The following SREBF2 variants were observed in gnomAD, a reference collection of about 807,000 sequenced individuals.
SREBF2 encodes the protein sterol regulatory element-binding protein 2.
Under a neutral mutation model 113.1 loss-of-function variants are expected in SREBF2, and 55 were observed. That is an observed-to-expected ratio of 0.49 (90% confidence interval 0.39 to 0.61). The LOEUF (loss-of-function observed/expected upper bound fraction) is 0.61, where lower values mean the gene tolerates loss of function less well. SREBF2 is among the 20% of genes least tolerant of loss of function. The pLI is 0.00. For missense variants in SREBF2, 1,349 were observed against 1,487.4 expected (o/e 0.91, Z 1.53); for synonymous variants, 593 against 605.7 (o/e 0.98, Z 0.31).
Position 41,870,821 on chromosome 22 carries a change from G to A in SREBF2, c.721-68G>A, listed in dbSNP as rs1286335899. 3.8e-6 allele frequency: 6 copies of A among 1,565,974 alleles called. No homozygotes were observed. The East Asian group carries it at 6.7e-5, about 18-fold the overall frequency. On this transcript the variant is annotated intron_variant, in intron 3 of 18. Transcript: ENST00000361204. ...CATTCTTTCTTGGAAGGTCTATGCA[G>A]TAAGAAAGGAATGCATAACAGAAGG...
At chr22:41,883,520 GTCC>G (rs2077269732) in intron 10 of SREBF2, among the ~76,000 whole-genome samples, 1 of 152,224 alleles carries the variant, frequency 6.6e-6, no homozygotes, top group African/African-American at 2.4e-5. Context: ...ATCAGGCTGT[GTCC>G]TCCTTGCTGC....
intron 1 of SREBF2, among the ~76,000 whole-genome samples, chr22:41,857,406 G>C (rs966055039): frequency 6.6e-6 from 1 of 152,194 alleles, no homozygotes; most frequent in Non-Finnish European, 1.5e-5. Flanking sequence ...ATGAGAGGCG[G>C]GGAGAGAGAG....
intron 1 of SREBF2, among the ~76,000 whole-genome samples, chr22:41,858,484 G>C (rs1205434065): frequency 6.6e-6 from 1 of 151,850 alleles, no homozygotes; most frequent in East Asian, 1.9e-4. Context: ...TGGGCATGTT[G>C]GCTCATGCTT....
chr22:41,848,650 G>C (rs550844514), intron 1 of SREBF2, among the ~76,000 whole-genome samples: 29 of 152,092 alleles, frequency 1.9e-4, no homozygotes, highest in Non-Finnish European at 3.5e-4. Flanking sequence ...TGGTGGTTGG[G>C]GCAACTTGTG....
chr22:41,885,012 G>GT lies in SREBF2; in HGVS notation c.2208+2dup. 1 of 1,614,038 alleles carries GT rather than the reference G, an allele frequency of 6.2e-7. No individual in the cohort carries two copies. The highest frequency in any genetic ancestry group is 8.5e-7 in the Non-Finnish European group (1 of 1,180,008). The stretch of plus-strand genomic sequence containing the variant: ...TGGAGGCAAGCTGGGCTTCCTGGCC[G>GT]TGAGTACCCTTCGGTTCCCTTCTGT... On this transcript the variant is annotated splice_donor_variant, in intron 11 of 18. Transcript: ENST00000361204. LOFTEE classifies it high-confidence loss of function.
At chr22:41,875,185 G>A (rs1018602986) in intron 5 of SREBF2, 152 bp from the exon 6 acceptor site, 5 of 695,688 alleles carry the variant, frequency 7.2e-6, no homozygotes, top group Admixed American at 4.1e-5. Context: ...AACTTCTCCC[G>A]AGTGGCACAG....
Position 41,866,840 on chromosome 22 carries a change from A to G in SREBF2, c.98A>G (p.Gln33Arg), listed in dbSNP as rs1345895519. Residue 33 changes from glutamine to arginine, a missense_variant, in exon 2 of 19, where the codon CAA becomes CGA. By Grantham distance (43) the Gln-to-Arg change is conservative (BLOSUM62 1). Around this residue, in one of 2 missense-constraint regions of SREBF2, gnomAD observed 699 missense variants for 843.3 expected, o/e 0.83. Coordinates refer to ENST00000361204, the MANE Select transcript of SREBF2 (RefSeq NM_004599.4). ...TTTCTTTTGTTCACAGAGATGCTGC[A>G]ATTTGTCAGTAATCAAGTGGGAGAG... is the stretch of plus-strand genomic sequence containing the variant. ...LTLGDIDEML[Q>R]FVSNQVGEFP... 1 of 1,614,226 alleles carries G rather than the reference A, an allele frequency of 6.2e-7. No homozygotes were observed.
intron 1 of SREBF2, among the ~76,000 whole-genome samples, chr22:41,854,412 T>C (rs2076959331): frequency 6.6e-6 from 1 of 151,038 alleles, no homozygotes; most frequent in Non-Finnish European, 1.5e-5. Context: ...TCCACCCGCC[T>C]CGGCCTCCCA....
At chr22:41,851,556 C>T (rs2076930639) in intron 1 of SREBF2, among the ~76,000 whole-genome samples, 1 of 152,022 alleles carries the variant, frequency 6.6e-6, no homozygotes, top group South Asian at 2.1e-4. Flanking sequence ...TGCAATGGCG[C>T]GATCTCGCCT....
At chr22:41,858,294 A>G (rs946817771) in intron 1 of SREBF2, among the ~76,000 whole-genome samples, 4 of 152,226 alleles carry the variant, frequency 2.6e-5, no homozygotes, top group African/African-American at 7.2e-5. Flanking sequence ...GTACAAATGA[A>G]GAAAGTTTAG....
chr22:41,882,249 C>T (rs866020699), intron 10 of SREBF2, among the ~76,000 whole-genome samples: 9 of 152,248 alleles, frequency 5.9e-5, no homozygotes, highest in Non-Finnish European at 1.0e-4. Flanking sequence ...TCAGCTAAGA[C>T]GGTTCCCTGG....
chr22:41,902,234 G>A (rs370084193), intron 16 of SREBF2, among the ~76,000 whole-genome samples: 3 of 152,332 alleles, frequency 2.0e-5, no homozygotes, highest in African/African-American at 4.8e-5. Flanking sequence ...GCTCGGTGTC[G>A]TGCAGGTGTG....
At chr22:41,880,601 T>G (rs1247358725) in intron 9 of SREBF2, 115 bp from the exon 10 acceptor site, 1 of 1,363,796 alleles carries the variant, frequency 7.3e-7, no homozygotes, top group African/African-American at 1.4e-5. Flanking sequence ...TCCCTCGTTT[T>G]TATGAGTGTG....
chr22:41,851,507 T>TG (rs2076930085), intron 1 of SREBF2, among the ~76,000 whole-genome samples: 2 of 151,878 alleles, frequency 1.3e-5, no homozygotes, highest in African/African-American at 4.8e-5. Flanking sequence ...TTGTTTGTTT[T>TG]TTTGAGATGA....
chr22:41,875,295 C>T (rs1050559415), intron 5 of SREBF2, 42 bp from the exon 6 acceptor site: 10 of 1,542,474 alleles, frequency 6.5e-6, no homozygotes, highest in Non-Finnish European at 9.0e-6. Context: ...ACACTGTAGC[C>T]TGCACTGGTC....
At chr22:41,853,252 C>T (rs1308154194) in intron 1 of SREBF2, among the ~76,000 whole-genome samples, 5 of 152,116 alleles carry the variant, frequency 3.3e-5, no homozygotes, top group Admixed American at 3.3e-4. Flanking sequence ...TGTGCTTTGG[C>T]CCCTAACAAC....
intron 1 of SREBF2, among the ~76,000 whole-genome samples, chr22:41,864,283 C>A (rs1271866658): frequency 5.5e-5 from 6 of 108,212 alleles, no homozygotes; most frequent in African/African-American, 7.8e-5. Context: ...CACACACACA[C>A]AAAATATCAA....
chr22:41,894,262 AT>A (rs950799390), intron 12 of SREBF2, among the ~76,000 whole-genome samples: 52 of 152,032 alleles, frequency 3.4e-4, no homozygotes, highest in African/African-American at 1.2e-3. Context: ...GGGGCTGGTG[AT>A]TTGAGGCCTG....
In SREBF2 at chr22:41,833,223, G is replaced by C; in HGVS notation, c.-48G>C. On this transcript the variant is annotated 5_prime_UTR_variant, in exon 1 of 19. Transcript: ENST00000361204. This position sits in a 1 kb window ranked among gnomAD's most constrained non-coding sequence, Gnocchi z 4.1. ...GCGGTGGCGACGGCACCGCCCCCGC[G>C]TCTCCCTGAGCGGGACGGCAGGGGG... 1 of 1,453,308 alleles carries C rather than the reference G, an allele frequency of 6.9e-7. No homozygotes were observed. 90.0% of individuals were successfully genotyped at this position (1,453,308 alleles called of 1,614,324 possible).
Sources: allele counts gnomAD v4.1 joint callset (sites outside exome capture counted in the v4.1 genomes callset), GRCh38; gene constraint gnomAD v4.1.1; regional missense constraint gnomAD v4.1.1; non-coding constraint Gnocchi (gnomAD v3.1); transcripts MANE v1.5; gene names NCBI Gene and HGNC (gene_info 2026-07-23, HGNC 2026-07-21).